Variants in SPOPL observed in about 807,000 individuals in gnomAD.
The protein encoded by SPOPL is speckle type BTB/POZ protein like.
SPOPL carries 23 observed loss-of-function variants against 53.8 expected under a neutral mutation model. The observed-to-expected ratio is 0.43, with a 90% CI of 0.31 to 0.61. SPOPL has a LOEUF of 0.61. SPOPL is among the 20% of genes least tolerant of loss of function. The pLI, the probability that SPOPL is intolerant of heterozygous loss-of-function variation, is 0.12. For synonymous variants in SPOPL, 164 were observed against 149.7 expected (o/e 1.10, Z -0.70); for missense variants, 442 against 466.9 (o/e 0.95, Z 0.49).
intron 1 of SPOPL, among the ~76,000 whole-genome samples, chr2:138,538,964 G>C (rs912651822): frequency 1.3e-5 from 2 of 151,938 alleles, no homozygotes; most frequent in Admixed American, 1.3e-4. Flanking sequence ...TGTTCTCATT[G>C]TTCAATTTTC....
Position 138,569,819 on chromosome 2 carries a change from T to G in SPOPL, c.*739T>G, listed in dbSNP as rs1685743807. ...TGTGTGGAAGTAATTTTTTTTTAAT[T>G]TATACTGACCTACATTTATACGAAG... On this transcript the variant is annotated 3_prime_UTR_variant, in exon 11 of 11. Coordinates refer to ENST00000280098, the MANE Select transcript of SPOPL (RefSeq NM_001001664.3). 1 of 152,580 alleles carries G rather than the reference T, an allele frequency of 6.6e-6. No individual in the cohort carries two copies. Among genetic ancestry groups the G allele is most frequent in the Admixed American group, 6.6e-5 (1 of 15,266 alleles). The allele number at this position is 152,580 out of a possible 1,614,324, so 9.5% of individuals were successfully genotyped here. A position where few individuals can be genotyped will look rare whatever the true frequency, so the allele number is the denominator to read the frequency against.
chr2:138,539,202 A>G lies in SPOPL; in HGVS notation c.-60-10955A>G, dbSNP rs543895965. 9.2e-5 allele frequency among the ~76,000 whole-genome samples: 14 copies of G among 152,150 alleles called. No individual in the cohort carries two copies. The South Asian group carries it at 2.1e-3, about 23-fold the overall frequency. The stretch of plus-strand genomic sequence containing the variant: ...CTTTGCTATTGTGAATAGTGCTGCA[A>G]TAAACATATGTGTGCATGTGTCTTT... On this transcript the variant is annotated intron_variant, in intron 1 of 10. Coordinates refer to ENST00000280098, the MANE Select transcript of SPOPL (RefSeq NM_001001664.3).
intron 1 of SPOPL, among the ~76,000 whole-genome samples, chr2:138,520,614 C>A (rs1684535449): frequency 1.3e-5 from 2 of 152,148 alleles, no homozygotes; most frequent in African/African-American, 4.8e-5. Context: ...TTGTGTTGTT[C>A]TTCCTTGTTT....
intron 10 of SPOPL, among the ~76,000 whole-genome samples, chr2:138,565,325 A>G (rs564263903): frequency 3.9e-5 from 6 of 152,222 alleles, no homozygotes; most frequent in East Asian, 1.9e-4. Context: ...ATTTACTCCT[A>G]TGAGGAATGT....
At chr2:138,564,663 T>G (rs1685620439) in intron 8 of SPOPL, 45 bp from the exon 9 acceptor site, 1 of 1,605,234 alleles carries the variant, frequency 6.2e-7, no homozygotes, top group South Asian at 1.1e-5. Flanking sequence ...ATTCAGGAAC[T>G]TAGTTGGAGT....
intron 1 of SPOPL, among the ~76,000 whole-genome samples, chr2:138,504,425 A>G (rs1684170571): frequency 6.6e-6 from 1 of 152,224 alleles, no homozygotes; most frequent in African/African-American, 2.4e-5. Context: ...TTATATAAAC[A>G]GGGCAGGTTG....
chr2:138,525,663 A>AAAAAAC lies in SPOPL; in HGVS notation c.-61+23549_-61+23550insCAAAAA, dbSNP rs1553468795. Among the ~76,000 whole-genome samples, 421 of 130,480 alleles carry AAAAAAC rather than the reference A, an allele frequency of 3.2e-3. 3 individuals are homozygous for AAAAAAC. The highest frequency in any genetic ancestry group is 4.2e-3 in the African/African-American group (147 of 35,352). The allele number at this position is 130,480 out of a possible 152,430, so 85.6% of individuals were successfully genotyped here. ...GCATCAGTATAAAAAGTAGAAAAAA[A>AAAAAAC]AAAAAAAAAAATACACAAAAAACAA... On this transcript the variant is annotated intron_variant, in intron 1 of 10. Transcript: ENST00000280098.
At chr2:138,546,875 C>T (rs1442758993) in intron 1 of SPOPL, among the ~76,000 whole-genome samples, 1 of 152,206 alleles carries the variant, frequency 6.6e-6, no homozygotes, top group African/African-American at 2.4e-5. Flanking sequence ...TTCTCCATAC[C>T]TTTATCTTGT....
chr2:138,550,454 T>C, intron 2 of SPOPL, 29 bp from the exon 3 acceptor site: 1 of 1,597,342 alleles, frequency 6.3e-7, no homozygotes, highest in Non-Finnish European at 8.6e-7. Flanking sequence ...ACCGTCATCA[T>C]TATAAAAGTG....
At chr2:138,567,927 A>G (rs1284465353) in intron 10 of SPOPL, among the ~76,000 whole-genome samples, 1 of 152,200 alleles carries the variant, frequency 6.6e-6, no homozygotes. Context: ...CATAGTGTAC[A>G]TAGGGTACAA....
chr2:138,546,006 C>T (rs1248084523), intron 1 of SPOPL, among the ~76,000 whole-genome samples: 2 of 152,144 alleles, frequency 1.3e-5, no homozygotes, highest in South Asian at 2.1e-4. Context: ...AGAGAGGAAA[C>T]ATGATGGTGG....
rs1685769204 is a variant in SPOPL, at chr2:138,571,024, T to C, written c.*1944T>C. 1 of 152,172 alleles carries C rather than the reference T, an allele frequency of 6.6e-6. No individual in the cohort carries two copies. Among genetic ancestry groups the C allele is most frequent in the African/African-American group, 2.4e-5 (1 of 41,442 alleles). 9.4% of individuals were successfully genotyped at this position (152,172 alleles called of 1,614,324 possible). On this transcript the variant is annotated 3_prime_UTR_variant, in exon 11 of 11. Coordinates refer to ENST00000280098, the MANE Select transcript of SPOPL (RefSeq NM_001001664.3). ...CATACTTCATCCTGTGTAAGAGTAT[T>C]ATGGGAAGTAGAAATTCACTTCCTT...
chr2:138,517,068 G>T (rs1684454959), intron 1 of SPOPL, among the ~76,000 whole-genome samples: 1 of 152,152 alleles, frequency 6.6e-6, no homozygotes, highest in South Asian at 2.1e-4. Context: ...ACTAGTAAAA[G>T]AACTGTTACT....
At chr2:138,559,424 C>T in intron 7 of SPOPL, 87 bp downstream of exon 7, 1 of 1,358,594 alleles carries the variant, frequency 7.4e-7, no homozygotes, top group Non-Finnish European at 1.0e-6. Context: ...ACAATGTTCT[C>T]ATTGTCATAC....
At chr2:138,516,261 AGTT>A (rs1684435694) in intron 1 of SPOPL, among the ~76,000 whole-genome samples, 2 of 152,154 alleles carry the variant, frequency 1.3e-5, no homozygotes, top group South Asian at 4.1e-4. Context: ...GCGTCTTTGA[AGTT>A]GTGATGTATT....
chr2:138,531,065 C>T (rs1031554433), intron 1 of SPOPL, among the ~76,000 whole-genome samples: 5 of 151,698 alleles, frequency 3.3e-5, no homozygotes, highest in African/African-American at 1.2e-4. Flanking sequence ...TGATCTTTTC[C>T]CTCCTTTTTC....
At chr2:138,509,110 C>T (rs187056485) in intron 1 of SPOPL, among the ~76,000 whole-genome samples, 1 of 152,144 alleles carries the variant, frequency 6.6e-6, no homozygotes, top group Non-Finnish European at 1.5e-5. Context: ...GAAATTTTTG[C>T]ACCTCAAACC....
intron 1 of SPOPL, among the ~76,000 whole-genome samples, chr2:138,541,026 T>C (rs576140354): frequency 6.6e-6 from 1 of 152,238 alleles, no homozygotes. Flanking sequence ...ATTGTTTCTG[T>C]TTATATGCTG....
At position 138,542,627 on chromosome 2, in the gene SPOPL, GTC is replaced by G. The variant is rs1193503132; in HGVS notation, c.-60-7526_-60-7525del. 2.0e-5 allele frequency among the ~76,000 whole-genome samples: 3 copies of G among 152,120 alleles called. No homozygotes were observed. In the East Asian group the frequency reaches 5.8e-4, roughly 29 times the overall value. On this transcript the variant is annotated intron_variant, in intron 1 of 10. Transcript: ENST00000280098. ...ATCCCTTTATTTTGAGCCTATGTGT[GTC>G]TCTGCCTGTGAGATGGGTTTCCTGA...
Sources: gnomAD v4.1 joint callset for allele counts (sites outside exome capture counted in the v4.1 genomes callset) on GRCh38, gnomAD v4.1.1 for gene constraint, MANE v1.5 for transcripts, NCBI Gene and HGNC (gene_info 2026-07-23, HGNC 2026-07-21) for gene names.